The following ANGPT1 variants were observed in gnomAD, a reference collection of about 807,000 sequenced individuals.
ANGPT1 encodes the protein angiopoietin 1.
A neutral mutation model predicts 62.2 loss-of-function variants in ANGPT1; 17 were observed. The ratio of observed to expected loss-of-function variants is 0.27; its 90% CI spans 0.19 to 0.41. The LOEUF is 0.41. ANGPT1 is among the 10% of genes least tolerant of loss of function. ANGPT1 has a pLI of 1.00. For missense variants in ANGPT1, 478 were observed against 594.9 expected (o/e 0.80, Z 2.04); for synonymous variants, 199 against 198.9 (o/e 1.00, Z 0.00).
intron 1 of ANGPT1, among the ~76,000 whole-genome samples, chr8:107,401,080 C>T (rs900423147): frequency 4.6e-5 from 7 of 152,198 alleles, no homozygotes; most frequent in African/African-American, 1.7e-4. Context: ...CTCCTACAAT[C>T]AGCTTTCTAG....
intron 1 of ANGPT1, among the ~76,000 whole-genome samples, chr8:107,491,610 G>A (rs1382953317): frequency 6.6e-6 from 1 of 152,132 alleles, no homozygotes; most frequent in East Asian, 1.9e-4. Context: ...AGCTTGTAAA[G>A]TCCCTGAGGC....
At chr8:107,401,761 A>G (rs1817051811) in intron 1 of ANGPT1, among the ~76,000 whole-genome samples, 1 of 152,206 alleles carries the variant, frequency 6.6e-6, no homozygotes, top group African/African-American at 2.4e-5. Context: ...ACAAACATAT[A>G]TGTTTATATG....
At chr8:107,279,730 CATACACACACACGT>C (rs1813953064) in intron 7 of ANGPT1, among the ~76,000 whole-genome samples, 1 of 149,418 alleles carries the variant, frequency 6.7e-6, no homozygotes, top group East Asian at 2.0e-4. Flanking sequence ...AACACACACA[CATACACACACACGT>C]GTACACACAC....
At chr8:107,490,285 A>T (rs1812924041) in intron 1 of ANGPT1, among the ~76,000 whole-genome samples, 1 of 152,252 alleles carries the variant, frequency 6.6e-6, no homozygotes, top group African/African-American at 2.4e-5. Flanking sequence ...CAACAGGATG[A>T]AACAGGCACA....
intron 1 of ANGPT1, among the ~76,000 whole-genome samples, chr8:107,441,881 C>T (rs528883243): frequency 7.2e-5 from 11 of 152,042 alleles, no homozygotes; most frequent in Admixed American, 3.9e-4. Context: ...GTCAGGAGTT[C>T]GAGACCAGCC....
intron 7 of ANGPT1, among the ~76,000 whole-genome samples, chr8:107,281,369 G>C (rs917347924): frequency 1.3e-5 from 2 of 151,966 alleles, no homozygotes; most frequent in Admixed American, 6.6e-5. Flanking sequence ...AAAAGTTATA[G>C]AAAACAAAAA....
intron 1 of ANGPT1, among the ~76,000 whole-genome samples, chr8:107,389,637 GC>G (rs931433175): frequency 2.0e-5 from 3 of 152,026 alleles, no homozygotes; most frequent in African/African-American, 7.2e-5. Flanking sequence ...TTACAGTAAG[GC>G]CAAACAGAGG....
At chr8:107,311,114 ATCT>A (rs1023539171) in intron 4 of ANGPT1, among the ~76,000 whole-genome samples, 5 of 151,918 alleles carry the variant, frequency 3.3e-5, no homozygotes, top group South Asian at 2.1e-4. Context: ...GTCTGTGTTC[ATCT>A]TCTAGTATCA....
intron 1 of ANGPT1, among the ~76,000 whole-genome samples, chr8:107,455,951 A>G (rs1000280940): frequency 1.3e-5 from 2 of 152,084 alleles, no homozygotes; most frequent in Admixed American, 6.6e-5. Flanking sequence ...GCATGTTTTT[A>G]TAAGGACAAG....
chr8:107,341,139 T>A (rs1001238695), intron 2 of ANGPT1, among the ~76,000 whole-genome samples: 4 of 152,116 alleles, frequency 2.6e-5, no homozygotes, highest in Non-Finnish European at 4.4e-5. Flanking sequence ...ACAGCATAAC[T>A]AAGGGAGTGG....
At chr8:107,272,129 A>T (rs942211775) in intron 7 of ANGPT1, among the ~76,000 whole-genome samples, 3 of 152,054 alleles carry the variant, frequency 2.0e-5, no homozygotes, top group African/African-American at 7.2e-5. Flanking sequence ...TTCAGAAGCT[A>T]CAGATGTCCT....
intron 1 of ANGPT1, among the ~76,000 whole-genome samples, chr8:107,355,323 A>G (rs893782543): frequency 2.0e-5 from 3 of 151,998 alleles, no homozygotes; most frequent in Admixed American, 1.3e-4. Context: ...TTTCTTCTGG[A>G]TTTGTTAATG....
At chr8:107,381,390 T>C (rs1295106441) in intron 1 of ANGPT1, among the ~76,000 whole-genome samples, 1 of 152,158 alleles carries the variant, frequency 6.6e-6, no homozygotes, top group Non-Finnish European at 1.5e-5. Context: ...CCTGTCAATG[T>C]TTGCTTCTCC....
intron 1 of ANGPT1, among the ~76,000 whole-genome samples, chr8:107,446,910 G>A (rs951583418): frequency 3.9e-5 from 6 of 151,994 alleles, no homozygotes; most frequent in Middle Eastern, 3.2e-3. Flanking sequence ...ATAAAATAAC[G>A]AAAACTCAGC....
chr8:107,329,914 CATACAT>C (rs907035260), intron 3 of ANGPT1, among the ~76,000 whole-genome samples: 1 of 152,000 alleles, frequency 6.6e-6, no homozygotes, highest in African/African-American at 2.4e-5. Context: ...CACACAGAAA[CATACAT>C]ATATTATAAT....
intron 1 of ANGPT1, 90 bp from the exon 2 acceptor site, chr8:107,347,187 C>T (rs1238389330): frequency 7.6e-5 from 102 of 1,342,156 alleles, no homozygotes; most frequent in Non-Finnish European, 9.5e-5. Context: ...AACAAGACAC[C>T]GCTGGCAAAT....
intron 6 of ANGPT1, among the ~76,000 whole-genome samples, chr8:107,288,216 TATTA>T (rs927490861): frequency 2.0e-5 from 3 of 152,130 alleles, no homozygotes; most frequent in African/African-American, 7.2e-5. Flanking sequence ...AAAAGTTAAT[TATTA>T]AATAAGAAAT....
chr8:107,291,149 CA>C (rs1814262033), intron 6 of ANGPT1, among the ~76,000 whole-genome samples: 1 of 152,140 alleles, frequency 6.6e-6, no homozygotes, highest in Admixed American at 6.5e-5. Context: ...AGATGGTTTG[CA>C]AAACAGTATT....
intron 1 of ANGPT1, among the ~76,000 whole-genome samples, chr8:107,435,870 C>T (rs1811319494): frequency 1.3e-5 from 2 of 152,118 alleles, no homozygotes; most frequent in African/African-American, 4.8e-5. Context: ...CAAAATAACC[C>T]TATGAGGTAT....
Sources: gnomAD v4.1 joint callset for allele counts (sites outside exome capture counted in the v4.1 genomes callset) on GRCh38, gnomAD v4.1.1 for gene constraint, MANE v1.5 for transcripts, NCBI Gene and HGNC (gene_info 2026-07-23, HGNC 2026-07-21) for gene names.